SMOC1: variants seen among roughly 807,000 people sequenced by gnomAD.
The protein encoded by SMOC1 is SPARC related modular calcium binding 1, also known as SPARC-related modular calcium-binding protein 1.
In SMOC1, 22 loss-of-function variants were observed where a neutral mutation model predicts 56.3. The observed-to-expected ratio is 0.39, with a 90% CI of 0.28 to 0.56. The LOEUF (loss-of-function observed/expected upper bound fraction) is 0.56, where lower values mean the gene tolerates loss of function less well. Ranked by LOEUF, SMOC1 falls within the 20% of genes least tolerant of loss-of-function variation. SMOC1 has a pLI of 0.61. For synonymous variants in SMOC1, 193 were observed against 215.0 expected, an observed-to-expected ratio of 0.90 and a Z score of 0.89; for missense variants, 509 against 565.4, an observed-to-expected ratio of 0.90 and a Z score of 1.01.
At chr14:69,898,480 C>CT (rs1293982748) in intron 1 of SMOC1, among the ~76,000 whole-genome samples, 1 of 150,654 alleles carries the variant, frequency 6.6e-6, no homozygotes, top group African/African-American at 2.4e-5. Flanking sequence ...TTTTTCCAGT[C>CT]TTTTTTCTCT....
At chr14:69,890,412 G>T (rs190067685) in intron 1 of SMOC1, among the ~76,000 whole-genome samples, 44 of 152,330 alleles carry the variant, frequency 2.9e-4, no homozygotes, top group Non-Finnish European at 5.6e-4. Context: ...TAGGTAGATT[G>T]TATGTCATGC....
chr14:70,010,376 C>T (rs941993139), intron 7 of SMOC1, among the ~76,000 whole-genome samples: 1 of 152,240 alleles, frequency 6.6e-6, no homozygotes, highest in African/African-American at 2.4e-5. Flanking sequence ...ACCCACCTCT[C>T]CTGCAGTCCA....
At chr14:70,008,361 A>G (rs1885216320) in intron 7 of SMOC1, among the ~76,000 whole-genome samples, 1 of 152,154 alleles carries the variant, frequency 6.6e-6, no homozygotes. Flanking sequence ...GCTGGTCTCA[A>G]ACTCCTGGGG....
rs1161213137 is a variant in SMOC1 at position 70,030,936 on chromosome 14, C to T, written c.*678C>T. 1 of 152,220 alleles carries T rather than the reference C, an allele frequency of 6.6e-6. No individual in the cohort carries two copies. The highest frequency in any genetic ancestry group is 2.4e-5 in the African/African-American group (1 of 41,428). 9.4% of individuals were successfully genotyped at this position (152,220 alleles called of 1,614,324 possible). A position where few individuals can be genotyped will look rare whatever the true frequency, so the allele number is the denominator to read the frequency against. On this transcript the variant is annotated 3_prime_UTR_variant, in exon 12 of 12. Transcript: ENST00000361956. ...GGGCTAAGGAGAGATGGAAACTGCCCTGGGAGAGGAAGGGAGTCCAGATCC... is the reference window on the plus strand; with the variant it reads ...GGGCTAAGGAGAGATGGAAACTGCCTTGGGAGAGGAAGGGAGTCCAGATCC...
intron 1 of SMOC1, among the ~76,000 whole-genome samples, chr14:69,900,091 G>T (rs1403343093): frequency 6.6e-6 from 1 of 152,192 alleles, no homozygotes; most frequent in African/African-American, 2.4e-5. Flanking sequence ...GTGCTCAGTG[G>T]TGGATTATGG....
At position 69,889,068 on chromosome 14, in the gene SMOC1, T is replaced by C. The variant is rs549664830; in HGVS notation, c.99+9291T>C. Reference sequence around the variant, plus strand: ...TGGCTATTGAATATTTGAAATGTGGTTAGTACACTGAGGACCTGAATTTTA... The same window carrying C: ...TGGCTATTGAATATTTGAAATGTGGCTAGTACACTGAGGACCTGAATTTTA... On this transcript the variant is annotated intron_variant, in intron 1 of 11. Coordinates refer to ENST00000361956, the MANE Select transcript of SMOC1 (RefSeq NM_001034852.3). Among the ~76,000 whole-genome samples, 3 of 152,334 alleles carry C rather than the reference T, an allele frequency of 2.0e-5. No homozygotes were observed. The South Asian group carries it at 6.2e-4, about 32-fold the overall frequency.
At chr14:69,929,222 T>G (rs1276118) in intron 1 of SMOC1, among the ~76,000 whole-genome samples, 12,872 of 152,194 alleles carry the variant, frequency 0.085, 1,259 homozygotes, top group African/African-American at 0.24. Context: ...CTGAAGCCTT[T>G]CCCTTCCATT....
intron 1 of SMOC1, among the ~76,000 whole-genome samples, chr14:69,908,058 T>A (rs1884456983): frequency 6.6e-6 from 1 of 152,228 alleles, no homozygotes; most frequent in South Asian, 2.1e-4. Context: ...GTGAATCAAC[T>A]GTGGCACAGA....
chr14:69,985,096 C>T (rs557102849), intron 5 of SMOC1, among the ~76,000 whole-genome samples: 5 of 151,228 alleles, frequency 3.3e-5, no homozygotes, highest in African/African-American at 1.2e-4. Context: ...GACATTTCAC[C>T]AATTTCACCA....
chr14:70,026,844 TTAAG>T (rs1349937306), intron 11 of SMOC1, among the ~76,000 whole-genome samples: 32 of 151,796 alleles, frequency 2.1e-4, no homozygotes, highest in Middle Eastern at 3.4e-3. Flanking sequence ...ACTTATGTCT[TTAAG>T]TATGGCTATG....
intron 1 of SMOC1, among the ~76,000 whole-genome samples, chr14:69,903,301 C>A (rs1884306044): frequency 6.6e-6 from 1 of 151,776 alleles, no homozygotes; most frequent in African/African-American, 2.4e-5. Flanking sequence ...GCGTCTCTGC[C>A]CGGCTGCCCC....
At chr14:69,891,733 T>C (rs1478347007) in intron 1 of SMOC1, among the ~76,000 whole-genome samples, 1 of 152,212 alleles carries the variant, frequency 6.6e-6, no homozygotes, top group Admixed American at 6.5e-5. Flanking sequence ...ATGAGGTTCT[T>C]CTTCATCTTC....
intron 3 of SMOC1, among the ~76,000 whole-genome samples, chr14:69,961,609 T>C (rs1883383489): frequency 6.6e-6 from 1 of 152,068 alleles, no homozygotes; most frequent in Non-Finnish European, 1.5e-5. Context: ...CTTGAACTCC[T>C]GAGCTCAAAT....
chr14:69,949,383 C>T (rs1045221665), intron 1 of SMOC1, among the ~76,000 whole-genome samples: 4 of 152,136 alleles, frequency 2.6e-5, no homozygotes, highest in Non-Finnish European at 4.4e-5. Flanking sequence ...CCACACATGA[C>T]GGAGGGCCCC....
rs149939640 is a variant in SMOC1, at chr14:69,918,654, T to G, written c.100-33484T>G. Among the ~76,000 whole-genome samples the G allele has an allele frequency of 1.2e-3, 186 of 152,326 alleles. 1 individual carries two copies. Among genetic ancestry groups the G allele is most frequent in the African/African-American group, 3.4e-3 (142 of 41,568 alleles). ...TTCCGTGTGCCTTGGTTTCTTCATC[T>G]TTGAAATCTGTAGAAGGCACTTATT... On this transcript the variant is annotated intron_variant, in intron 1 of 11. Coordinates refer to ENST00000361956, the MANE Select transcript of SMOC1 (RefSeq NM_001034852.3).
chr14:69,896,117 T>A (rs1884092313), intron 1 of SMOC1, among the ~76,000 whole-genome samples: 1 of 152,222 alleles, frequency 6.6e-6, no homozygotes, highest in African/African-American at 2.4e-5. Flanking sequence ...GGGCTGGAAT[T>A]ACAGGTGTGA....
At position 69,879,552 on chromosome 14, in the gene SMOC1, C is replaced by T; in HGVS notation, c.-127C>T. On this transcript the variant is annotated 5_prime_UTR_variant, in exon 1 of 12. Coordinates refer to ENST00000361956, the MANE Select transcript of SMOC1 (RefSeq NM_001034852.3). Reference sequence around the variant, plus strand: ...GACCGCAGCCTCTGCGAGCCCCCGCCGCAGGACCACGGCCCGCTCCCCGCC... The same window carrying T: ...GACCGCAGCCTCTGCGAGCCCCCGCTGCAGGACCACGGCCCGCTCCCCGCC... 1 of 657,874 alleles carries T rather than the reference C, an allele frequency of 1.5e-6. No individual in the cohort carries two copies. Among genetic ancestry groups the T allele is most frequent in the Non-Finnish European group, 2.2e-6 (1 of 444,722 alleles). The allele number at this position is 657,874 out of a possible 1,614,324, so 40.8% of individuals were successfully genotyped here.
chr14:69,879,697 G>C lies in SMOC1; in HGVS notation c.19G>C (p.Ala7Pro). Residue 7 changes from alanine (A) to proline (P), a missense_variant, in exon 1 of 12, where the codon GCC becomes CCC. Physicochemically the swap from Ala to Pro is conservative, Grantham distance 27. Coordinates refer to ENST00000361956, the MANE Select transcript of SMOC1 (RefSeq NM_001034852.3). Reference protein sequence around the residue: MLPARCARLLTPHLLLV... With the variant: MLPARCPRLLTPHLLLV... ...TGGCACCATGCTGCCCGCGCGCTGCGCCCGCCTGCTCACGCCCCACTTGCT... is the reference window on the plus strand; with the variant it reads ...TGGCACCATGCTGCCCGCGCGCTGCCCCCGCCTGCTCACGCCCCACTTGCT... The C allele has an allele frequency of 6.4e-7, 1 of 1,572,890 alleles. No homozygotes were observed. The highest frequency in any genetic ancestry group is 1.1e-5 in the South Asian group (1 of 87,094).
intron 6 of SMOC1, among the ~76,000 whole-genome samples, chr14:69,993,301 G>C (rs1884629774): frequency 6.6e-6 from 1 of 152,108 alleles, no homozygotes; most frequent in African/African-American, 2.4e-5. Context: ...GAGGATAGGA[G>C]TGCGGGGTGC....
Sources: allele counts gnomAD v4.1 joint callset (sites outside exome capture counted in the v4.1 genomes callset), GRCh38; gene constraint gnomAD v4.1.1; transcripts MANE v1.5; gene names NCBI Gene and HGNC (gene_info 2026-07-23, HGNC 2026-07-21).